DDX46: variants seen among roughly 807,000 people sequenced by gnomAD.
The protein encoded by DDX46 is DEAD-box helicase 46, also known as probable ATP-dependent RNA helicase DDX46.
DDX46 carries 30 observed loss-of-function variants against 134.9 expected under a neutral mutation model. The observed-to-expected ratio is 0.22, with a 90% CI of 0.17 to 0.30. The LOEUF is 0.30. Ranked by LOEUF, DDX46 falls within the 10% of genes least tolerant of loss-of-function variation. The probability of loss-of-function intolerance (pLI) is 1.00; values close to 1 mark genes in which losing one functional copy is unlikely to be tolerated. For missense variants in DDX46, 622 were observed against 1,248.7 expected, an observed-to-expected ratio of 0.50 and a Z score of 7.56; for synonymous variants, 415 against 404.1, an observed-to-expected ratio of 1.03 and a Z score of -0.32.
chr5:134,780,564 C>CAATAAATA (rs10655595), intron 6 of DDX46, among the ~76,000 whole-genome samples: 10,491 of 142,236 alleles, frequency 0.074, 444 homozygotes, highest in Non-Finnish European at 0.093. Context: ...AACTTTATCT[C>CAATAAATA]AATAAATAAA....
chr5:134,830,180 A>G lies in DDX46; in HGVS notation c.*1474A>G, dbSNP rs1755698605. 2 of 151,586 alleles carry G rather than the reference A, an allele frequency of 1.3e-5. No homozygotes were observed. The highest frequency in any genetic ancestry group is 4.8e-5 in the African/African-American group (2 of 41,398). The allele number at this position is 151,586 out of a possible 1,614,324, so 9.4% of individuals were successfully genotyped here. A position where few individuals can be genotyped will look rare whatever the true frequency, so the allele number is the denominator to read the frequency against. ...ACAGATCAAAAATAGAAAAAAAAAA[A>G]AAAAGAAAAAAAGAATGTAAAATTT... On this transcript the variant is annotated 3_prime_UTR_variant, in exon 23 of 23. Coordinates refer to ENST00000452510, the MANE Select transcript of DDX46 (RefSeq NM_001300860.2).
At chr5:134,789,703 C>T (rs1014441854) in intron 12 of DDX46, among the ~76,000 whole-genome samples, 1 of 151,186 alleles carries the variant, frequency 6.6e-6, no homozygotes, top group Admixed American at 6.6e-5. Context: ...CTATTTTATA[C>T]GTGTTTTTGC....
At chr5:134,795,465 C>T (rs1754628582) in intron 14 of DDX46, among the ~76,000 whole-genome samples, 2 of 151,988 alleles carry the variant, frequency 1.3e-5, no homozygotes. Context: ...TGAATAGCAC[C>T]CTAGGCATAG....
At chr5:134,825,459 G>A (rs536579501) in intron 21 of DDX46, among the ~76,000 whole-genome samples, 8 of 152,084 alleles carry the variant, frequency 5.3e-5, no homozygotes, top group East Asian at 3.9e-4. Context: ...TTCTAGCTCC[G>A]TCTCTGTCTC....
chr5:134,818,677 G>A (rs1288099081), intron 20 of DDX46, among the ~76,000 whole-genome samples, 183 bp from the exon 21 acceptor site: 1 of 149,814 alleles, frequency 6.7e-6, no homozygotes, highest in Admixed American at 6.6e-5. Context: ...ATTCCAGCCT[G>A]GGCAAAAAGA....
At chr5:134,782,122 G>T in intron 8 of DDX46, 36 bp downstream of exon 8, 1 of 1,537,498 alleles carries the variant, frequency 6.5e-7, no homozygotes, top group South Asian at 1.3e-5. Context: ...GGTTATAAGG[G>T]AACAGAAGAG....
intron 21 of DDX46, among the ~76,000 whole-genome samples, chr5:134,821,536 G>GTT (rs558162733): frequency 4.8e-4 from 45 of 94,448 alleles, no homozygotes; most frequent in East Asian, 1.8e-3. Context: ...TGGGTTTTTT[G>GTT]TTTTTTTTTT....
rs1484840704 is a variant in DDX46, at chr5:134,788,521, G to A, written c.1473G>A (p.Glu491=). 1 of 1,613,452 alleles carries A rather than the reference G, an allele frequency of 6.2e-7. No individual in the cohort carries two copies. Among genetic ancestry groups the A allele is most frequent in the African/African-American group, 1.3e-5 (1 of 74,908 alleles). ...TTCATCTTTTTTATTAGATTGCTGA[G>A]CTGAAAAGAGGTGCTGAAATTATTG... ...GGTGISEQIA[E]LKRGAEIIVC... The change falls in exon 12 of 23, where the codon GAG becomes GAA. Residue 491 remains glutamate (E), a synonymous_variant. Transcript: ENST00000452510.
rs1282269067 is a variant in DDX46 at position 134,817,779 on chromosome 5, C to CA, written c.2832+66dup. 9 of 1,377,926 alleles carry CA rather than the reference C, an allele frequency of 6.5e-6. No homozygotes were observed. The East Asian group carries it at 1.4e-4, about 22-fold the overall frequency. 85.4% of individuals were successfully genotyped at this position (1,377,926 alleles called of 1,614,324 possible). ...CAACTCTTCTTTGGAGGAAAAATCT[C>CA]ATCTTTAAAACCCATGAACATTTTA... On this transcript the variant is annotated intron_variant, in intron 20 of 22. Coordinates refer to ENST00000452510, the MANE Select transcript of DDX46 (RefSeq NM_001300860.2).
chr5:134,786,949 A>C (rs1754356046), intron 11 of DDX46, among the ~76,000 whole-genome samples: 1 of 151,966 alleles, frequency 6.6e-6, no homozygotes, highest in Non-Finnish European at 1.5e-5. Flanking sequence ...TGGAGACAGC[A>C]TCTTACTCTG....
In DDX46 at chr5:134,773,764, A is replaced by C; in HGVS notation, c.516A>C (p.Glu172Asp). 6.2e-7 allele frequency: 1 copy of C among 1,613,550 alleles called. No homozygotes were observed. The highest frequency in any genetic ancestry group is 1.3e-5 in the African/African-American group (1 of 75,024). ...AAGAAAGAGTAGAAAAATGGCGAGA[A>C]GAGCAACGTAAAAAGGCTATGGAAA... ...KRKERVEKWR[E>D]EQRKKAMENI... is the part of the protein sequence containing the mutation. Residue 172 changes from glutamate (E) to aspartate (D), a missense_variant, in exon 5 of 23, where the codon GAA becomes GAC. This residue lies in a region of DDX46 where 244 missense variants were observed against 349.3 expected (regional missense o/e 0.70). Coordinates refer to ENST00000452510, the MANE Select transcript of DDX46 (RefSeq NM_001300860.2).
chr5:134,822,874 G>A (rs1755494310), intron 21 of DDX46, among the ~76,000 whole-genome samples: 1 of 152,116 alleles, frequency 6.6e-6, no homozygotes, highest in African/African-American at 2.4e-5. Context: ...ACCATGCTGG[G>A]CCCAGACCTG....
chr5:134,821,898 T>G (rs568741483), intron 21 of DDX46, among the ~76,000 whole-genome samples: 1 of 148,342 alleles, frequency 6.7e-6, no homozygotes, highest in East Asian at 2.0e-4. Context: ...TTTTTTTTGT[T>G]TTTTTTTTTT....
chr5:134,765,124 A>T (rs1420411921), intron 2 of DDX46, among the ~76,000 whole-genome samples: 5 of 148,912 alleles, frequency 3.4e-5, no homozygotes, highest in Non-Finnish European at 7.4e-5. Context: ...GCTGGAGTGC[A>T]GTGGCACGAT....
At chr5:134,827,673 C>T (rs1168147608) in intron 22 of DDX46, among the ~76,000 whole-genome samples, 2 of 152,162 alleles carry the variant, frequency 1.3e-5, no homozygotes, top group African/African-American at 4.8e-5. Flanking sequence ...GTTTCCTTCA[C>T]TCAACATTTT....
intron 13 of DDX46, among the ~76,000 whole-genome samples, chr5:134,792,840 T>C (rs557211558): frequency 6.6e-6 from 1 of 152,322 alleles, no homozygotes; most frequent in East Asian, 1.9e-4. Context: ...AAATGCTGAA[T>C]AATTGTTTGT....
rs370545175 is a variant in DDX46 at position 134,782,138 on chromosome 5, A to G, written c.1045+52A>G. 2.1e-4 allele frequency: 305 copies of G among 1,475,276 alleles called. No homozygotes were observed. In the African/African-American group the frequency reaches 4.0e-3, roughly 19 times the overall value. The allele number at this position is 1,475,276 out of a possible 1,614,324, so 91.4% of individuals were successfully genotyped here. A position where few individuals can be genotyped will look rare whatever the true frequency, so the allele number is the denominator to read the frequency against. Reference sequence around the variant, plus strand: ...GTTATAAGGGAACAGAAGAGGATACATTTCACATTGCTCAAGAGAAATGTG... The same window carrying G: ...GTTATAAGGGAACAGAAGAGGATACGTTTCACATTGCTCAAGAGAAATGTG... On this transcript the variant is annotated intron_variant, in intron 8 of 22. Transcript: ENST00000452510.
At chr5:134,786,807 T>C (rs898123031) in intron 11 of DDX46, among the ~76,000 whole-genome samples, 3 of 152,140 alleles carry the variant, frequency 2.0e-5, no homozygotes, top group Admixed American at 6.6e-5. Context: ...ATCACGCCAC[T>C]GCACTCCAGC....
At chr5:134,786,802 G>A (rs556515118) in intron 11 of DDX46, among the ~76,000 whole-genome samples, 18 of 152,128 alleles carry the variant, frequency 1.2e-4, no homozygotes, top group Non-Finnish European at 2.6e-4. Context: ...CTGAGATCAC[G>A]CCACTGCACT....
Sources: allele counts gnomAD v4.1 joint callset (sites outside exome capture counted in the v4.1 genomes callset), GRCh38; gene constraint gnomAD v4.1.1; regional missense constraint gnomAD v4.1.1; transcripts MANE v1.5; gene names NCBI Gene and HGNC (gene_info 2026-07-23, HGNC 2026-07-21).